CAMSAP1: variants seen among roughly 807,000 people sequenced by gnomAD.
The protein encoded by CAMSAP1 is calmodulin-regulated spectrin-associated protein 1.
A neutral mutation model predicts 143.5 loss-of-function variants in CAMSAP1; 58 were observed. The ratio of observed to expected loss-of-function variants is 0.40; its 90% CI spans 0.33 to 0.50. The LOEUF (loss-of-function observed/expected upper bound fraction) is 0.50, where lower values mean the gene tolerates loss of function less well. Ranked by LOEUF, CAMSAP1 falls within the 20% of genes least tolerant of loss-of-function variation. The probability of loss-of-function intolerance (pLI) is 0.45; values close to 1 mark genes in which losing one functional copy is unlikely to be tolerated. For missense variants in CAMSAP1, 1,969 were observed against 2,115.7 expected, an observed-to-expected ratio of 0.93 and a Z score of 1.36; for synonymous variants, 945 against 859.3, an observed-to-expected ratio of 1.10 and a Z score of -1.74.
intron 3 of CAMSAP1, among the ~76,000 whole-genome samples, chr9:135,873,480 T>C (rs1837632126): frequency 6.6e-6 from 1 of 151,450 alleles, no homozygotes; most frequent in Non-Finnish European, 1.5e-5. Flanking sequence ...AAGTATTAAA[T>C]AGAGAAAATA....
chr9:135,863,479 C>T (rs1837269766), intron 4 of CAMSAP1, among the ~76,000 whole-genome samples: 1 of 152,150 alleles, frequency 6.6e-6, no homozygotes, highest in African/African-American at 2.4e-5. Flanking sequence ...GAGGAAAATA[C>T]ACGATACAAA....
At chr9:135,831,161 C>CA (rs1365997691) in intron 7 of CAMSAP1, among the ~76,000 whole-genome samples, 1 of 151,490 alleles carries the variant, frequency 6.6e-6, no homozygotes. Context: ...GACTCCGTCT[C>CA]AAAAAAATAA....
intron 1 of CAMSAP1, among the ~76,000 whole-genome samples, chr9:135,892,020 G>A (rs931934199): frequency 3.3e-5 from 5 of 152,260 alleles, no homozygotes; most frequent in African/African-American, 9.6e-5. Flanking sequence ...GGGATAAAAT[G>A]GCAAGTCTTG....
intron 7 of CAMSAP1, among the ~76,000 whole-genome samples, chr9:135,848,504 G>GAC (rs35091764): frequency 1.3e-3 from 189 of 150,556 alleles, no homozygotes; most frequent in African/African-American, 2.0e-3. Flanking sequence ...TTTAGCCCCA[G>GAC]ACACACACAC....
intron 7 of CAMSAP1, chr9:135,836,993 C>G (rs543222054): frequency 2.1e-6 from 2 of 955,738 alleles, no homozygotes; most frequent in Non-Finnish European, 2.5e-6. Context: ...CACATCATCA[C>G]GCACTTTCTA....
rs542258999 is a variant in CAMSAP1 at position 135,881,610 on chromosome 9, C to A, written c.585+23G>T. 1.8e-4 allele frequency: 274 copies of A among 1,551,240 alleles called. 1 individual carries two copies. The East Asian group carries it at 5.5e-3, about 31-fold the overall frequency. On this transcript the variant is annotated intron_variant, in intron 3 of 16. Transcript: ENST00000389532. Reference sequence around the variant, plus strand: ...CCGGCCACAGAAGCAGAGTCACACACCACATCTAGGCAGGGCACTCACCTT... The same window carrying A: ...CCGGCCACAGAAGCAGAGTCACACAACACATCTAGGCAGGGCACTCACCTT...
chr9:135,834,072 C>T (rs1488515961), intron 7 of CAMSAP1, among the ~76,000 whole-genome samples: 5 of 152,124 alleles, frequency 3.3e-5, no homozygotes, highest in Non-Finnish European at 7.4e-5. Context: ...TCAACATGGC[C>T]AGTCATCAGG....
intron 4 of CAMSAP1, 144 bp from the exon 5 acceptor site, chr9:135,862,752 G>T: frequency 1.1e-6 from 1 of 882,500 alleles, no homozygotes; most frequent in Non-Finnish European, 1.7e-6. Context: ...GAAAGAGTTA[G>T]AAACGTCTGG....
At chr9:135,841,147 C>T (rs1276861169) in intron 7 of CAMSAP1, among the ~76,000 whole-genome samples, 2 of 152,146 alleles carry the variant, frequency 1.3e-5, no homozygotes, top group African/African-American at 2.4e-5. Context: ...ACCTGGGGTG[C>T]TCGAGCTTGG....
At chr9:135,856,414 G>A (rs1475714271) in intron 5 of CAMSAP1, among the ~76,000 whole-genome samples, 1 of 151,978 alleles carries the variant, frequency 6.6e-6, no homozygotes, top group Non-Finnish European at 1.5e-5. Flanking sequence ...TCTCCCACCA[G>A]GTCCCTCCCA....
chr9:135,813,406 C>T (rs540719344), intron 16 of CAMSAP1, among the ~76,000 whole-genome samples: 9 of 152,266 alleles, frequency 5.9e-5, no homozygotes, highest in East Asian at 3.9e-4. Flanking sequence ...TTAAATAATA[C>T]GTATTTTTTA....
chr9:135,819,187 T>A, intron 11 of CAMSAP1, 41 bp from the exon 12 acceptor site: 2 of 1,572,272 alleles, frequency 1.3e-6, no homozygotes, highest in South Asian at 1.2e-5. Context: ...AGGAACCCCC[T>A]CAGACGCCGG....
intron 1 of CAMSAP1, among the ~76,000 whole-genome samples, chr9:135,891,944 G>T (rs2131008080): frequency 6.6e-6 from 1 of 152,324 alleles, no homozygotes. Flanking sequence ...CGACAGAGGA[G>T]TCAGTGAATA....
chr9:135,891,428 C>T (rs777808225), intron 1 of CAMSAP1, among the ~76,000 whole-genome samples: 1 of 152,220 alleles, frequency 6.6e-6, no homozygotes, highest in Non-Finnish European at 1.5e-5. Flanking sequence ...TGGGCTTACT[C>T]CTGAGCTGTG....
chr9:135,839,904 A>T (rs1836276065), intron 7 of CAMSAP1, among the ~76,000 whole-genome samples: 1 of 152,176 alleles, frequency 6.6e-6, no homozygotes. Flanking sequence ...GGGAATGCAG[A>T]CAAACTCTGC....
chr9:135,808,942 A>G lies in CAMSAP1; in HGVS notation c.*2367T>C, dbSNP rs943827041. The G allele has an allele frequency of 3.3e-5, 5 of 152,232 alleles. No individual in the cohort carries two copies. Among genetic ancestry groups the G allele is most frequent in the African/African-American group, 1.2e-4 (5 of 41,454 alleles). 9.4% of individuals were successfully genotyped at this position (152,232 alleles called of 1,614,324 possible). ...AAATGGGTAGAGCAGCTTGTCTTAA[A>G]TAACAAGGTTAGAATTCTGAGACAC... On this transcript the variant is annotated 3_prime_UTR_variant, in exon 17 of 17. Transcript: ENST00000389532.
chr9:135,847,576 G>A (rs1414820921), intron 7 of CAMSAP1, among the ~76,000 whole-genome samples: 1 of 150,636 alleles, frequency 6.6e-6, no homozygotes, highest in Admixed American at 6.6e-5. Context: ...GAAGCTGGAA[G>A]CCATCATTCT....
At chr9:135,873,315 C>T (rs975042593) in intron 3 of CAMSAP1, among the ~76,000 whole-genome samples, 7 of 152,104 alleles carry the variant, frequency 4.6e-5, no homozygotes, top group African/African-American at 1.4e-4. Context: ...ATATAATGCA[C>T]GGCTGAAGTG....
intron 7 of CAMSAP1, chr9:135,837,019 C>A: frequency 1.2e-6 from 1 of 857,680 alleles, no homozygotes; most frequent in Non-Finnish European, 1.4e-6. Flanking sequence ...TCTAGAGACA[C>A]ACGTCACCAC....
Sources: gnomAD v4.1 joint callset for allele counts (sites outside exome capture counted in the v4.1 genomes callset) on GRCh38, gnomAD v4.1.1 for gene constraint, MANE v1.5 for transcripts, NCBI Gene and HGNC (gene_info 2026-07-23, HGNC 2026-07-21) for gene names.